Variants in AGBL4 observed in about 807,000 individuals in gnomAD.
AGBL4 encodes the protein cytosolic carboxypeptidase 6.
AGBL4 carries 58 observed loss-of-function variants against 66.4 expected under a neutral mutation model. That is an observed-to-expected ratio of 0.87 (90% CI 0.71 to 1.09). The LOEUF is 1.09. Ranked by LOEUF, AGBL4 falls within the 50% of genes least tolerant of loss-of-function variation. The pLI, the probability that AGBL4 is intolerant of heterozygous loss-of-function variation, is 0.00. For synonymous variants in AGBL4, 234 were observed against 222.9 expected (o/e 1.05, Z -0.44); for missense variants, 579 against 631.0 (o/e 0.92, Z 0.88).
chr1:49,290,703 A>G (rs1202854610), intron 3 of AGBL4, among the ~76,000 whole-genome samples: 4 of 152,200 alleles, frequency 2.6e-5, no homozygotes, highest in African/African-American at 9.6e-5. Context: ...CCAAATGCAG[A>G]TCACATACAT....
chr1:49,776,826 A>T (rs1644209950), intron 2 of AGBL4, among the ~76,000 whole-genome samples: 2 of 152,080 alleles, frequency 1.3e-5, no homozygotes, highest in Non-Finnish European at 2.9e-5. Context: ...TGCCTCCCAA[A>T]CATGACCATA....
chr1:48,708,772 C>T (rs1463835720), intron 6 of AGBL4, among the ~76,000 whole-genome samples: 2 of 152,206 alleles, frequency 1.3e-5, no homozygotes, highest in East Asian at 3.9e-4. Flanking sequence ...ACTAGTGACA[C>T]AGAAAATAAG....
chr1:49,040,485 T>C (rs1367284940), intron 5 of AGBL4, among the ~76,000 whole-genome samples: 1 of 152,048 alleles, frequency 6.6e-6, no homozygotes, highest in Non-Finnish European at 1.5e-5. Context: ...ATATGTCCAC[T>C]CAAAGATAAG....
At chr1:49,064,495 T>A (rs1644458141) in intron 4 of AGBL4, among the ~76,000 whole-genome samples, 2 of 152,224 alleles carry the variant, frequency 1.3e-5, no homozygotes, top group African/African-American at 2.4e-5. Flanking sequence ...TTATTCTCCC[T>A]GATACTAAAG....
chr1:49,739,003 C>A (rs1367659682), intron 2 of AGBL4, among the ~76,000 whole-genome samples: 1 of 152,186 alleles, frequency 6.6e-6, no homozygotes, highest in East Asian at 1.9e-4. Flanking sequence ...AGCGCCTCTC[C>A]TCCTCCAAAG....
chr1:48,712,902 G>T (rs561043656), intron 6 of AGBL4, among the ~76,000 whole-genome samples: 3 of 152,342 alleles, frequency 2.0e-5, no homozygotes, highest in Admixed American at 2.0e-4. Flanking sequence ...CTATGAGGGA[G>T]ATGGCGGCCA....
chr1:49,199,336 T>G (rs1647499438), intron 4 of AGBL4, among the ~76,000 whole-genome samples: 1 of 152,178 alleles, frequency 6.6e-6, no homozygotes, highest in African/African-American at 2.4e-5. Context: ...ATTTTCTCTA[T>G]AGAAAGTATC....
intron 1 of AGBL4, among the ~76,000 whole-genome samples, chr1:49,902,107 C>T (rs1282091847): frequency 6.6e-6 from 1 of 152,084 alleles, no homozygotes; most frequent in Non-Finnish European, 1.5e-5. Context: ...CTAGGAAATA[C>T]CATTCTGGAC....
chr1:48,640,512 C>G (rs1241886943), intron 8 of AGBL4, among the ~76,000 whole-genome samples: 6 of 152,186 alleles, frequency 3.9e-5, no homozygotes, highest in Non-Finnish European at 5.9e-5. Context: ...AAGTAAGCAC[C>G]TACTAAATGC....
At chr1:49,838,906 A>G (rs749957968) in intron 2 of AGBL4, among the ~76,000 whole-genome samples, 6 of 152,324 alleles carry the variant, frequency 3.9e-5, no homozygotes, top group Non-Finnish European at 5.9e-5. Flanking sequence ...TTATTTTACT[A>G]CTAAAGCATA....
intron 4 of AGBL4, among the ~76,000 whole-genome samples, chr1:49,238,677 A>G (rs1024224745): frequency 9.2e-5 from 14 of 152,202 alleles, no homozygotes; most frequent in Non-Finnish European, 1.8e-4. Flanking sequence ...ATGTGGATGC[A>G]GTTTATTTAT....
At chr1:49,248,270 A>G (rs935475957) in intron 3 of AGBL4, among the ~76,000 whole-genome samples, 6 of 152,222 alleles carry the variant, frequency 3.9e-5, no homozygotes, top group African/African-American at 1.4e-4. Context: ...CTTCATTCAC[A>G]TTAGAACAAT....
intron 4 of AGBL4, among the ~76,000 whole-genome samples, chr1:49,176,836 C>T (rs138400500): frequency 8.3e-4 from 127 of 152,174 alleles, no homozygotes; most frequent in Non-Finnish European, 1.5e-3. Context: ...CTCTCATACA[C>T]GCATAACATG....
At chr1:49,063,191 T>G (rs1471121012) in intron 4 of AGBL4, among the ~76,000 whole-genome samples, 1 of 152,218 alleles carries the variant, frequency 6.6e-6, no homozygotes, top group African/African-American at 2.4e-5. Context: ...TTGGGAAGTC[T>G]ATTAACCCTT....
intron 6 of AGBL4, among the ~76,000 whole-genome samples, chr1:48,772,432 GC>G (rs1450208303): frequency 6.6e-6 from 1 of 152,168 alleles, no homozygotes; most frequent in Non-Finnish European, 1.5e-5. Flanking sequence ...GCAGGCAGAG[GC>G]CCCATATCAG....
At chr1:49,331,757 G>T (rs1452242484) in intron 3 of AGBL4, among the ~76,000 whole-genome samples, 1 of 152,080 alleles carries the variant, frequency 6.6e-6, no homozygotes, top group Non-Finnish European at 1.5e-5. Context: ...AAATGGTCTG[G>T]GTGTGGAAGG....
At chr1:49,181,462 C>G (rs1464459004) in intron 4 of AGBL4, among the ~76,000 whole-genome samples, 2 of 152,194 alleles carry the variant, frequency 1.3e-5, no homozygotes, top group African/African-American at 4.8e-5. Flanking sequence ...GAATCCTCAG[C>G]CACAGCTCTA....
At chr1:49,117,797 A>G (rs547692090) in intron 4 of AGBL4, among the ~76,000 whole-genome samples, 1 of 152,266 alleles carries the variant, frequency 6.6e-6, no homozygotes, top group East Asian at 1.9e-4. Flanking sequence ...TTGAATCTAT[A>G]AATTACCTTG....
intron 4 of AGBL4, among the ~76,000 whole-genome samples, chr1:49,157,599 T>A (rs1646458918): frequency 6.6e-6 from 1 of 152,204 alleles, no homozygotes; most frequent in Non-Finnish European, 1.5e-5. Flanking sequence ...ATATACCCAG[T>A]AATGGGATTC....
Sources: allele counts gnomAD v4.1 joint callset (sites outside exome capture counted in the v4.1 genomes callset), GRCh38; gene constraint gnomAD v4.1.1; transcripts MANE v1.5; gene names NCBI Gene and HGNC (gene_info 2026-07-23, HGNC 2026-07-21).